Variants in SLC24A2 observed in about 807,000 individuals in gnomAD.
The protein encoded by SLC24A2 is solute carrier family 24 member 2.
In SLC24A2, 36 loss-of-function variants were observed where a neutral mutation model predicts 62.0. That is an observed-to-expected ratio of 0.58 (90% CI 0.44 to 0.77). SLC24A2 has a LOEUF of 0.77. Ranked by LOEUF, SLC24A2 falls within the 30% of genes least tolerant of loss-of-function variation. The pLI is 0.00. For missense variants in SLC24A2, 846 were observed against 817.9 expected (o/e 1.03, Z -0.42); for synonymous variants, 358 against 294.0 (o/e 1.22, Z -2.23).
At chr9:20,221,145 A>G in the SLC24A2 span, among the ~76,000 whole-genome samples, 11 of 152,132 alleles carry the variant, frequency 7.2e-5, no homozygotes, top group African/African-American at 2.4e-4. Flanking sequence ...AACATTTTTT[A>G]AAGATATCAT....
At chr9:19,964,320 GTAAC>G in the SLC24A2 span, among the ~76,000 whole-genome samples, 1 of 151,838 alleles carries the variant, frequency 6.6e-6, no homozygotes, top group Non-Finnish European at 1.5e-5. Context: ...GTATACATAT[GTAAC>G]TAACCTGCAC....
chr9:19,532,615 G>T (rs1833762479), intron 8 of SLC24A2, among the ~76,000 whole-genome samples: 1 of 152,182 alleles, frequency 6.6e-6, no homozygotes, highest in South Asian at 2.1e-4. Context: ...TAAAGAAACT[G>T]ATAATTGGGG....
chr9:19,804,621 A>T, the SLC24A2 span, among the ~76,000 whole-genome samples: 1 of 152,078 alleles, frequency 6.6e-6, no homozygotes, highest in African/African-American at 2.4e-5. Flanking sequence ...TTTGTAATGA[A>T]GATGCTTTAT....
the SLC24A2 span, among the ~76,000 whole-genome samples, chr9:20,283,698 T>C: frequency 7.2e-6 from 1 of 138,816 alleles, no homozygotes; most frequent in East Asian, 2.3e-4. Flanking sequence ...AAAATTCACT[T>C]GGAAGAGACC....
At chr9:19,995,801 C>A in the SLC24A2 span, among the ~76,000 whole-genome samples, 1 of 152,350 alleles carries the variant, frequency 6.6e-6, no homozygotes, top group African/African-American at 2.4e-5. Context: ...AGCCCTCAAT[C>A]ACTCACCATT....
chr9:20,266,658 C>T, the SLC24A2 span, among the ~76,000 whole-genome samples: 81 of 152,266 alleles, frequency 5.3e-4, 1 homozygote, highest in East Asian at 2.1e-3. Flanking sequence ...ATCAGACCTA[C>T]ATTTCACAAC....
chr9:19,951,722 G>A, the SLC24A2 span, among the ~76,000 whole-genome samples: 1 of 152,082 alleles, frequency 6.6e-6, no homozygotes, highest in Non-Finnish European at 1.5e-5. Context: ...CAATATCACA[G>A]AATCTGGATT....
At chr9:20,037,164 C>T in the SLC24A2 span, among the ~76,000 whole-genome samples, 1,336 of 150,450 alleles carry the variant, frequency 8.9e-3, 17 homozygotes, top group African/African-American at 0.03. Flanking sequence ...TCCCAAAGTG[C>T]TGGGATTACA....
chr9:19,593,813 A>T (rs1205862058), intron 5 of SLC24A2, among the ~76,000 whole-genome samples: 1 of 152,176 alleles, frequency 6.6e-6, no homozygotes, highest in Non-Finnish European at 1.5e-5. Context: ...ATCACCTCTG[A>T]GTCCCAGAAC....
At chr9:19,978,070 A>G in the SLC24A2 span, among the ~76,000 whole-genome samples, 2 of 152,162 alleles carry the variant, frequency 1.3e-5, no homozygotes, top group East Asian at 3.8e-4. Context: ...ATGGGTGTTC[A>G]GACTTAGATT....
At chr9:20,130,183 T>TCC in the SLC24A2 span, among the ~76,000 whole-genome samples, 1 of 152,022 alleles carries the variant, frequency 6.6e-6, no homozygotes, top group Admixed American at 6.6e-5. Context: ...TGTACAAAAC[T>TCC]CCAAGTATGT....
the SLC24A2 span, among the ~76,000 whole-genome samples, chr9:20,282,782 G>A: frequency 6.6e-6 from 1 of 151,974 alleles, no homozygotes; most frequent in South Asian, 2.1e-4. Context: ...TCTAACATCT[G>A]CATACTTTTT....
chr9:19,649,009 A>AAG (rs1417909409), intron 2 of SLC24A2, among the ~76,000 whole-genome samples: 1 of 151,120 alleles, frequency 6.6e-6, no homozygotes, highest in Non-Finnish European at 1.5e-5. Context: ...ACCAAAAAAA[A>AAG]AAAAAAAAAA....
chr9:20,090,906 A>G, the SLC24A2 span, among the ~76,000 whole-genome samples: 1 of 152,352 alleles, frequency 6.6e-6, no homozygotes, highest in East Asian at 1.9e-4. Flanking sequence ...AGGAATGAAG[A>G]TCATTGAGAT....
intron 2 of SLC24A2, among the ~76,000 whole-genome samples, chr9:19,780,827 C>T (rs896074261): frequency 6.9e-6 from 1 of 145,060 alleles, no homozygotes; most frequent in African/African-American, 2.6e-5. Flanking sequence ...GAGCCGAGAT[C>T]GCGCCACCGC....
rs576369738 is a variant in SLC24A2 at position 19,574,558 on chromosome 9, TAAC to T, written c.1229-1092_1229-1090del. Among the ~76,000 whole-genome samples the T allele has an allele frequency of 3.8e-3, 577 of 152,282 alleles. 15 individuals are homozygous for T. The highest frequency in any genetic ancestry group is 0.035 in the Admixed American group (539 of 15,290). On this transcript the variant is annotated intron_variant, in intron 6 of 10. Transcript: ENST00000341998. ...CTATTACTGTTGCTACTACTACCAC[TAAC>T]AACAACAATATGATCAAAGAGTATT...
At chr9:20,014,727 G>A in the SLC24A2 span, among the ~76,000 whole-genome samples, 1 of 152,088 alleles carries the variant, frequency 6.6e-6, no homozygotes, top group African/African-American at 2.4e-5. Context: ...CAGAGGCTGG[G>A]GAGAGAGGCT....
At chr9:20,005,314 T>C in the SLC24A2 span, among the ~76,000 whole-genome samples, 61,074 of 151,912 alleles carry the variant, frequency 0.4, 13,012 homozygotes, top group Non-Finnish European at 0.47. Flanking sequence ...ACTAACCTCC[T>C]GGCAATCCTA....
the SLC24A2 span, among the ~76,000 whole-genome samples, chr9:19,838,466 C>CAG: frequency 1.7e-5 from 2 of 120,484 alleles, no homozygotes; most frequent in South Asian, 4.6e-4. Flanking sequence ...CACACACACA[C>CAG]ACACACACAC....
Sources: allele counts gnomAD v4.1 joint callset (sites outside exome capture counted in the v4.1 genomes callset), GRCh38; gene constraint gnomAD v4.1.1; transcripts MANE v1.5; gene names NCBI Gene and HGNC (gene_info 2026-07-23, HGNC 2026-07-21).